The following PLXND1 variants were observed in gnomAD, a reference collection of about 807,000 sequenced individuals.
PLXND1 encodes the protein plexin-D1.
PLXND1 carries 54 observed loss-of-function variants against 197.7 expected under a neutral mutation model. That is an observed-to-expected ratio of 0.27 (90% confidence interval 0.22 to 0.34). The LOEUF (loss-of-function observed/expected upper bound fraction) is 0.34. Ranked by LOEUF, PLXND1 falls within the 10% of genes least tolerant of loss-of-function variation. The pLI is 1.00. For missense variants in PLXND1, 2,127 were observed against 2,699.2 expected (o/e 0.79, Z 4.70); for synonymous variants, 1,180 against 1,161.2 (o/e 1.02, Z -0.33).
chr3:129,558,318 T>A lies in PLXND1; in HGVS notation c.5445+110A>T, dbSNP rs1257428405. 9.1e-7 allele frequency: 1 copy of A among 1,095,148 alleles called. No homozygotes were observed. The highest frequency in any genetic ancestry group is 1.3e-6 in the Non-Finnish European group (1 of 761,078). 67.8% of individuals were successfully genotyped at this position (1,095,148 alleles called of 1,614,324 possible). A position where few individuals can be genotyped will look rare whatever the true frequency, so the allele number is the denominator to read the frequency against. On this transcript the variant is annotated intron_variant, in intron 33 of 35. Transcript: ENST00000324093. This position sits in a 1 kb window ranked among gnomAD's most constrained non-coding sequence, Gnocchi z 4.1. ...TAGACCTGAGATCTTTTGGTTCCCC[T>A]CCCAGGAAGATCTCTGAGCTCAGCC...
rs1244280276 is a variant in PLXND1 at position 129,578,431 on chromosome 3, G to A, written c.2244C>T (p.Ser748=). The stretch of plus-strand genomic sequence containing the variant: ...GCAGGGTCCGGGGGCAGTCCTGAGG[G>A]CTCTGCAGAGGAAACAGAAGGAGAG... ...SRCEASPNPT[S]PQDCPRTLLS... The change falls in exon 9 of 36, where the codon AGC becomes AGT. Residue 748 remains serine, a splice_region_variant and synonymous_variant. Coordinates refer to ENST00000324093, the MANE Select transcript of PLXND1 (RefSeq NM_015103.3). The A allele has an allele frequency of 3.2e-6, 5 of 1,577,794 alleles. No homozygotes were observed. The highest frequency in any genetic ancestry group is 1.8e-5 in the Admixed American group (1 of 54,264).
Position 129,606,587 on chromosome 3 carries a change from G to C in PLXND1, c.53C>G (p.Ala18Gly). The C allele has an allele frequency of 8.2e-7, 1 of 1,220,364 alleles. No individual in the cohort carries two copies. Among genetic ancestry groups the C allele is most frequent in the Non-Finnish European group, 1.0e-6 (1 of 981,100 alleles). The allele number at this position is 1,220,364 out of a possible 1,614,324, so 75.6% of individuals were successfully genotyped here. The change falls in exon 1 of 36, where the codon GCC becomes GGC. Residue 18 changes from alanine to glycine, a missense_variant. Transcript: ENST00000324093. Reference protein sequence around the residue: ...GAPLSARAAAASPPPFQTPPR... With the variant: ...GAPLSARAAAGSPPPFQTPPR... ...CGGCGTCTGGAACGGCGGGGGGCTG[G>C]CGGCGGCGGCCCGGGCGCTAAGGGG...
intron 8 of PLXND1, among the ~76,000 whole-genome samples, chr3:129,582,379 AG>A (rs1395220817): frequency 6.6e-6 from 1 of 152,240 alleles, no homozygotes; most frequent in Non-Finnish European, 1.5e-5. Flanking sequence ...GTGCCCAGAA[AG>A]GGGCCCCAGT....
At chr3:129,591,092 G>A (rs2085534074) in intron 1 of PLXND1, among the ~76,000 whole-genome samples, 1 of 152,168 alleles carries the variant, frequency 6.6e-6, no homozygotes, top group African/African-American at 2.4e-5. Context: ...ACACAGTTAC[G>A]GCCGGATGGG....
Position 129,565,881 on chromosome 3 carries a change from C to T in PLXND1, c.4322+6G>A, listed in dbSNP as rs2085132395. ...CCTACCCCACCCCAGTCTGTCACAGCCTGACCTGTCGCGCACCGCAAAGTC... is the reference window on the plus strand; with the variant it reads ...CCTACCCCACCCCAGTCTGTCACAGTCTGACCTGTCGCGCACCGCAAAGTC... On this transcript the variant is annotated splice_donor_region_variant and intron_variant, in intron 24 of 35. Coordinates refer to ENST00000324093, the MANE Select transcript of PLXND1 (RefSeq NM_015103.3). 1 of 1,613,844 alleles carries T rather than the reference C, an allele frequency of 6.2e-7. No homozygotes were observed. The highest frequency in any genetic ancestry group is 8.5e-7 in the Non-Finnish European group (1 of 1,179,898).
chr3:129,579,964 C>T (rs2108784554), intron 8 of PLXND1, among the ~76,000 whole-genome samples: 1 of 152,334 alleles, frequency 6.6e-6, no homozygotes, highest in South Asian at 2.1e-4. Flanking sequence ...CAGTGGCAGT[C>T]ACCAGCTCAT....
Position 129,575,793 on chromosome 3 carries a change from C to G in PLXND1, c.2409G>C (p.Glu803Asp), listed in dbSNP as rs1282538474. 1 of 1,613,464 alleles carries G rather than the reference C, an allele frequency of 6.2e-7. No homozygotes were observed. The highest frequency in any genetic ancestry group is 2.2e-5 in the East Asian group (1 of 44,874). ...EEIFEAVWVN[E>D]SVVRCDQVVL... ...CCACCTGGTCACAGCGTACAACAGA[C>G]TCATTCACCCACACAGCCTCGAAGA... Residue 803 changes from glutamate to aspartate, a missense_variant, in exon 10 of 36, where the codon GAG becomes GAC. Glu to Asp is a conservative substitution (Grantham distance 45). Coordinates refer to ENST00000324093, the MANE Select transcript of PLXND1 (RefSeq NM_015103.3).
chr3:129,561,967 G>A lies in PLXND1; in HGVS notation c.4826-64C>T, dbSNP rs913531515. On this transcript the variant is annotated intron_variant, in intron 27 of 35. Transcript: ENST00000324093. ...GAGCTGGGCCTGAGGGGTAGGTACC[G>A]GCCCAGCCACATAGGGAGAGGCCTC... 50 of 1,097,760 alleles carry A rather than the reference G, an allele frequency of 4.6e-5. 1 individual carries two copies. The highest frequency in any genetic ancestry group is 2.6e-4 in the East Asian group (11 of 42,508). The allele number at this position is 1,097,760 out of a possible 1,614,324, so 68.0% of individuals were successfully genotyped here. A position where few individuals can be genotyped will look rare whatever the true frequency, so the allele number is the denominator to read the frequency against.
rs1027191320 is a variant in PLXND1, at chr3:129,606,654, G to C, written c.-15C>G. On this transcript the variant is annotated 5_prime_UTR_variant, in exon 1 of 36. Coordinates refer to ENST00000324093, the MANE Select transcript of PLXND1 (RefSeq NM_015103.3). ...CGAGGAGCCATCCGGGCGTGCGCGGGCTGCGCGGCGCGGCGAGTGCATGGG... is the reference window on the plus strand; with the variant it reads ...CGAGGAGCCATCCGGGCGTGCGCGGCCTGCGCGGCGCGGCGAGTGCATGGG... 6.2e-6 allele frequency: 6 copies of C among 970,722 alleles called. No homozygotes were observed. The highest frequency in any genetic ancestry group is 6.1e-5 in the Admixed American group (1 of 16,444). The allele number at this position is 970,722 out of a possible 1,614,324, so 60.1% of individuals were successfully genotyped here.
At position 129,555,505 on chromosome 3, in the gene PLXND1, T is replaced by G; in HGVS notation, c.*807A>C. 1.5e-6 allele frequency: 1 copy of G among 677,902 alleles called. No individual in the cohort carries two copies. Among genetic ancestry groups the G allele is most frequent in the Non-Finnish European group, 2.6e-6 (1 of 378,960 alleles). 42.0% of individuals were successfully genotyped at this position (677,902 alleles called of 1,614,324 possible). A position where few individuals can be genotyped will look rare whatever the true frequency, so the allele number is the denominator to read the frequency against. ...GGTCCTCTGCGCAAGCGGCAGCTAT[T>G]CACAGTTGGTGCATGATACGTTTTT... On this transcript the variant is annotated 3_prime_UTR_variant, in exon 36 of 36. Transcript: ENST00000324093.
Position 129,558,463 on chromosome 3 carries a change from C to T in PLXND1, c.5410G>A (p.Asp1804Asn), listed in dbSNP as rs2085006231. ...CLSVIAQAFIDACSISDLQLG... is the reference protein window; with the variant it reads ...CLSVIAQAFINACSISDLQLG... ...TGCAGGTCAGAGATGGAGCAGGCGT[C>T]GATGAAGGCCTGCGCGATGACTGAA... Residue 1804 changes from aspartate to asparagine, a missense_variant, in exon 33 of 36, where the codon GAC becomes AAC. Asp to Asn is a conservative substitution (Grantham distance 23). This residue lies in a region of PLXND1 where 200 missense variants were observed against 303.3 expected (regional missense o/e 0.66). Transcript: ENST00000324093. The surrounding 1 kb of genome is among the most constrained non-coding windows in gnomAD (Gnocchi z 4.1). 6.2e-7 allele frequency: 1 copy of T among 1,613,800 alleles called. No individual in the cohort carries two copies. Among genetic ancestry groups the T allele is most frequent in the Non-Finnish European group, 8.5e-7 (1 of 1,179,964 alleles).
rs2085659939 is a variant in PLXND1 at position 129,598,471 on chromosome 3, G to T, written c.1311+6858C>A. ...CCCCACCCAGAGCTTGGACGGGCAT[G>T]CGATGTTACCAAGGAGGTGCTGGCC... On this transcript the variant is annotated intron_variant, in intron 1 of 35. Transcript: ENST00000324093. 2.0e-5 allele frequency among the ~76,000 whole-genome samples: 3 copies of T among 152,086 alleles called. No individual in the cohort carries two copies. The South Asian group carries it at 6.2e-4, about 32-fold the overall frequency.
rs752077323 is a variant in PLXND1 at position 129,571,536 on chromosome 3, G to A, written c.3309C>T (p.Ala1103=). Residue 1103 remains alanine (A), a synonymous_variant, in exon 17 of 36, where the codon GCC becomes GCT. Transcript: ENST00000324093. The stretch of plus-strand genomic sequence containing the variant: ...TGGGCTCCCGGCCAATGTGGTGGAC[G>A]GCCATGGACACATTCTGCACCATGT... ...RFHMVQNVSM[A]VHHIGREPTL... is the part of the protein sequence containing the mutation. 1.9e-5 allele frequency: 30 copies of A among 1,613,518 alleles called. No individual in the cohort carries two copies. The highest frequency in any genetic ancestry group is 1.6e-4 in the Middle Eastern group (1 of 6,082).
chr3:129,589,259 G>T (rs757847245), intron 2 of PLXND1, 92 bp downstream of exon 2: 11 of 812,776 alleles, frequency 1.4e-5, no homozygotes, highest in Non-Finnish European at 2.0e-5. Context: ...GGCTGGACCT[G>T]TAGCAGCCCT....
chr3:129,573,912 C>T (rs1295391805), intron 12 of PLXND1, among the ~76,000 whole-genome samples, 167 bp from the exon 13 acceptor site: 1 of 152,194 alleles, frequency 6.6e-6, no homozygotes, highest in Non-Finnish European at 1.5e-5. Flanking sequence ...TGGCAGGTCA[C>T]TGTGCTGGCA....
At chr3:129,585,549 A>C (rs1016983239) in intron 5 of PLXND1, among the ~76,000 whole-genome samples, 8 of 152,158 alleles carry the variant, frequency 5.3e-5, no homozygotes, top group Admixed American at 6.5e-5. Flanking sequence ...AGGTGGGTGG[A>C]ACTCACTGTC....
chr3:129,589,315 C>T (rs1332673903), intron 2 of PLXND1, 36 bp downstream of exon 2: 1 of 605,728 alleles, frequency 1.7e-6, no homozygotes, highest in East Asian at 4.2e-5. Flanking sequence ...GAGCCTCCCA[C>T]CCCCACCCCC....
intron 12 of PLXND1, 69 bp downstream of exon 12, chr3:129,574,267 C>A (rs2085278417): frequency 2.1e-6 from 3 of 1,432,320 alleles, no homozygotes; most frequent in African/African-American, 1.4e-5. Context: ...AGAAGTGGGA[C>A]CCTCGAGGGC....
chr3:129,596,541 G>A (rs180677818), intron 1 of PLXND1, among the ~76,000 whole-genome samples: 5 of 152,132 alleles, frequency 3.3e-5, no homozygotes, highest in African/African-American at 1.2e-4. Flanking sequence ...CAGGGAAAAG[G>A]CTTCCCTCCC....
Sources: gnomAD v4.1 joint callset for allele counts (sites outside exome capture counted in the v4.1 genomes callset) on GRCh38, gnomAD v4.1.1 for gene constraint, gnomAD v4.1.1 regional missense constraint, Gnocchi (gnomAD v3.1) non-coding constraint, MANE v1.5 for transcripts, NCBI Gene and HGNC (gene_info 2026-07-23, HGNC 2026-07-21) for gene names.